The following TRIP4 variants were observed in gnomAD, a reference collection of about 807,000 sequenced individuals.
The protein encoded by TRIP4 is thyroid hormone receptor interactor 4, also known as activating signal cointegrator 1.
TRIP4 carries 54 observed loss-of-function variants against 81.8 expected under a neutral mutation model. That is an observed-to-expected ratio of 0.66 (90% CI 0.53 to 0.83). The LOEUF (loss-of-function observed/expected upper bound fraction) is 0.83, where lower values mean the gene tolerates loss of function less well. Among genes scored for constraint, TRIP4 ranks in the 40% least tolerant of loss-of-function variants. The probability of loss-of-function intolerance (pLI) is 0.00; values close to 1 mark genes in which losing one functional copy is unlikely to be tolerated. For synonymous variants in TRIP4, 270 were observed against 242.8 expected (o/e 1.11, Z -1.04); for missense variants, 662 against 683.6 (o/e 0.97, Z 0.35).
chr15:64,441,773 A>T (rs1240919446), intron 11 of TRIP4, among the ~76,000 whole-genome samples: 1 of 152,148 alleles, frequency 6.6e-6, no homozygotes, highest in African/African-American at 2.4e-5. Flanking sequence ...ACTCCGTCTC[A>T]AAAAATATAT....
rs1566978048 is a variant in TRIP4, at chr15:64,418,453, C to T, written c.1171-88C>T. The T allele has an allele frequency of 8.2e-6, 11 of 1,337,208 alleles. No individual in the cohort carries two copies. The East Asian group carries it at 2.2e-4, about 26-fold the overall frequency. The allele number at this position is 1,337,208 out of a possible 1,614,324, so 82.8% of individuals were successfully genotyped here. ...AAGAAAAATGTTCCCAATATGATTTCCTCATTATTAGCATTCGCATCATTT... is the reference window on the plus strand; with the variant it reads ...AAGAAAAATGTTCCCAATATGATTTTCTCATTATTAGCATTCGCATCATTT... On this transcript the variant is annotated intron_variant, in intron 8 of 12. Coordinates refer to ENST00000261884, the MANE Select transcript of TRIP4 (RefSeq NM_016213.5).
At chr15:64,434,743 C>A (rs1201643955) in intron 11 of TRIP4, among the ~76,000 whole-genome samples, 1 of 152,126 alleles carries the variant, frequency 6.6e-6, no homozygotes, top group African/African-American at 2.4e-5. Flanking sequence ...TAGGTAGAAT[C>A]AATTACTGGA....
intron 12 of TRIP4, among the ~76,000 whole-genome samples, chr15:64,452,304 C>A (rs977110528): frequency 6.6e-6 from 1 of 152,136 alleles, no homozygotes; most frequent in Non-Finnish European, 1.5e-5. Flanking sequence ...ATCTGAAATG[C>A]AAAATCTAAA....
intron 7 of TRIP4, among the ~76,000 whole-genome samples, chr15:64,412,946 CAG>C (rs1279720801): frequency 2.6e-5 from 4 of 152,196 alleles, no homozygotes; most frequent in South Asian, 2.1e-4. Flanking sequence ...CATGGGATAA[CAG>C]GGGATGTATC....
chr15:64,390,941 C>T (rs192610187), intron 1 of TRIP4, among the ~76,000 whole-genome samples: 55 of 152,030 alleles, frequency 3.6e-4, no homozygotes, highest in Non-Finnish European at 7.5e-4. Flanking sequence ...GGTCAGTGCC[C>T]GTCGGCATGT....
At chr15:64,405,545 C>T (rs1165229868) in intron 5 of TRIP4, among the ~76,000 whole-genome samples, 1 of 152,162 alleles carries the variant, frequency 6.6e-6, no homozygotes, top group African/African-American at 2.4e-5. Context: ...ATAATACAAA[C>T]TGTCTTACAG....
At chr15:64,392,519 G>A (rs1900165477) in intron 1 of TRIP4, among the ~76,000 whole-genome samples, 1 of 152,090 alleles carries the variant, frequency 6.6e-6, no homozygotes, top group Non-Finnish European at 1.5e-5. Flanking sequence ...ATTTTTAGTA[G>A]AGACGGTTTC....
In TRIP4 at chr15:64,445,016, T is replaced by G; in HGVS notation, c.1586T>G (p.Ile529Ser). 6.5e-7 allele frequency: 1 copy of G among 1,547,920 alleles called. No individual in the cohort carries two copies. Among genetic ancestry groups the G allele is most frequent in the South Asian group, 1.1e-5 (1 of 87,448 alleles). ...QKQFKEQFPD[I>S]SQESDSPFVF... is the part of the protein sequence containing the mutation. ...TTTTATATTTCACAGTTTCCAGACA[T>G]CAGTCAAGAGTCTGATTCTCCATTT... The change falls in exon 12 of 13, where the codon ATC becomes AGC. Residue 529 changes from isoleucine to serine, a missense_variant. Physicochemically the swap from Ile to Ser is moderately radical, Grantham distance 142. Coordinates refer to ENST00000261884, the MANE Select transcript of TRIP4 (RefSeq NM_016213.5).
intron 12 of TRIP4, 107 bp downstream of exon 12, chr15:64,445,215 T>C (rs1892600343): frequency 6.9e-6 from 4 of 581,916 alleles, no homozygotes; most frequent in Non-Finnish European, 1.2e-5. Context: ...AACAATCAGT[T>C]GAGGTAACCC....
At chr15:64,424,247 T>G (rs1892088147) in intron 10 of TRIP4, 92 bp downstream of exon 10, 1 of 1,559,426 alleles carries the variant, frequency 6.4e-7, no homozygotes, top group African/African-American at 1.4e-5. Context: ...TTTGGCTTTT[T>G]CTTTGTTAAA....
intron 5 of TRIP4, among the ~76,000 whole-genome samples, chr15:64,403,004 C>T (rs188208322): frequency 2.0e-4 from 31 of 151,920 alleles, no homozygotes; most frequent in South Asian, 8.3e-4. Context: ...AGACTGGCGA[C>T]GCCCGCCACC....
intron 9 of TRIP4, among the ~76,000 whole-genome samples, chr15:64,420,215 G>A (rs151262756): frequency 7.7e-4 from 116 of 149,884 alleles, no homozygotes; most frequent in African/African-American, 2.6e-3. Context: ...TCCACCTCCC[G>A]GGTTCAAGCC....
chr15:64,440,851 C>A (rs1298536362), intron 11 of TRIP4, among the ~76,000 whole-genome samples: 2 of 152,058 alleles, frequency 1.3e-5, no homozygotes. Flanking sequence ...TGACTACTTG[C>A]CAAGACACAA....
intron 11 of TRIP4, among the ~76,000 whole-genome samples, chr15:64,433,635 T>C (rs140530366): frequency 1.2e-3 from 182 of 152,210 alleles, no homozygotes; most frequent in African/African-American, 4.1e-3. Context: ...TTATGTAATG[T>C]CAGTTAATGG....
At chr15:64,433,076 TATAAA>T (rs1441020908) in intron 11 of TRIP4, among the ~76,000 whole-genome samples, 3 of 152,064 alleles carry the variant, frequency 2.0e-5, no homozygotes, top group African/African-American at 7.2e-5. Flanking sequence ...ATAAACCAAA[TATAAA>T]ATAAAAAGTG....
At chr15:64,394,911 C>G (rs1204856467) in intron 2 of TRIP4, among the ~76,000 whole-genome samples, 1 of 152,160 alleles carries the variant, frequency 6.6e-6, no homozygotes, top group Non-Finnish European at 1.5e-5. Flanking sequence ...GTGGCTTGAT[C>G]CTAGCTCACT....
At chr15:64,431,882 T>TC (rs778268060) in intron 11 of TRIP4, among the ~76,000 whole-genome samples, 4,184 of 107,406 alleles carry the variant, frequency 0.039, 37 homozygotes, top group South Asian at 0.063. Context: ...GTTTTCTTTT[T>TC]TTTTTTTTTT....
intron 8 of TRIP4, among the ~76,000 whole-genome samples, chr15:64,415,828 C>T (rs183978506): frequency 1.4e-4 from 22 of 152,268 alleles, no homozygotes; most frequent in Admixed American, 4.6e-4. Context: ...GATTTTTTGT[C>T]TTATGCTAAT....
chr15:64,397,174 C>A (rs902779091), intron 3 of TRIP4, among the ~76,000 whole-genome samples: 3 of 152,030 alleles, frequency 2.0e-5, no homozygotes, highest in Non-Finnish European at 4.4e-5. Flanking sequence ...ATTATCTGTC[C>A]TTTTCTTAGT....
Sources: allele counts gnomAD v4.1 joint callset (sites outside exome capture counted in the v4.1 genomes callset), GRCh38; gene constraint gnomAD v4.1.1; transcripts MANE v1.5; gene names NCBI Gene and HGNC (gene_info 2026-07-23, HGNC 2026-07-21).